TSEN15: variants seen among roughly 807,000 people sequenced by gnomAD.
TSEN15 encodes the protein tRNA splicing endonuclease subunit 15, also known as tRNA-splicing endonuclease subunit Sen15.
In TSEN15, 10 loss-of-function variants were observed where a neutral mutation model predicts 20.5. The observed-to-expected ratio is 0.49, with a 90% CI of 0.30 to 0.83. The LOEUF is 0.83. Ranked by LOEUF, TSEN15 falls within the 40% of genes least tolerant of loss-of-function variation. The pLI, the probability that TSEN15 is intolerant of heterozygous loss-of-function variation, is 0.06. For synonymous variants in TSEN15, 72 were observed against 80.1 expected (o/e 0.90, Z 0.54); for missense variants, 180 against 218.6 (o/e 0.82, Z 1.11).
chr1:184,051,893 C>G lies in TSEN15; in HGVS notation c.135+3C>G. ...CCTGGATGGGCACTCACCCTAAGGT[C>G]AGGAGGCGCGAGAGGAGCAGGGCGC... On this transcript the variant is annotated splice_donor_region_variant and intron_variant, in intron 1 of 4. Coordinates refer to ENST00000645668, the MANE Select transcript of TSEN15 (RefSeq NM_052965.4). 1 of 1,540,750 alleles carries G rather than the reference C, an allele frequency of 6.5e-7. No individual in the cohort carries two copies. The highest frequency in any genetic ancestry group is 1.7e-4 in the Middle Eastern group (1 of 5,930).
intron 3 of TSEN15, among the ~76,000 whole-genome samples, chr1:184,066,835 G>C (rs532257408): frequency 6.6e-6 from 1 of 152,068 alleles, no homozygotes; most frequent in Non-Finnish European, 1.5e-5. Flanking sequence ...ACAAAACAAC[G>C]TGCTGGGATT....
chr1:184,086,124 C>T (rs985771422), intron 3 of TSEN15, among the ~76,000 whole-genome samples: 1 of 152,098 alleles, frequency 6.6e-6, no homozygotes, highest in Non-Finnish European at 1.5e-5. Flanking sequence ...GTATTTATCA[C>T]TTTTATATTC....
chr1:184,066,419 T>A (rs2102888931), intron 3 of TSEN15, among the ~76,000 whole-genome samples: 1 of 152,232 alleles, frequency 6.6e-6, no homozygotes, highest in African/African-American at 2.4e-5. Flanking sequence ...TGTGATTTTT[T>A]TGAGACAGGG....
rs189005187 is a variant in TSEN15 at position 184,070,247 on chromosome 1, A to C, written c.354-1910A>C. Among the ~76,000 whole-genome samples the C allele has an allele frequency of 1.9e-3, 290 of 152,074 alleles. 1 individual carries two copies. Among genetic ancestry groups the C allele is most frequent in the Non-Finnish European group, 2.7e-3 (183 of 67,868 alleles). ...TTTCCTTAGTGAACACCACCCCCCA[A>C]CACACACATACAAACACACCTTCTG... On this transcript the variant is annotated intron_variant, in intron 3 of 4. Transcript: ENST00000645668.
intron 4 of TSEN15, 73 bp downstream of exon 4, chr1:184,072,371 AAGTC>A (rs1650918068): frequency 7.1e-7 from 1 of 1,416,154 alleles, no homozygotes; most frequent in Non-Finnish European, 9.5e-7. Context: ...AGTGTGACTC[AAGTC>A]AGTCACAGAA....
Position 184,051,838 on chromosome 1 carries a change from G to A in TSEN15, c.83G>A (p.Gly28Asp). The A allele has an allele frequency of 6.5e-7, 1 of 1,549,766 alleles. No individual in the cohort carries two copies. The highest frequency in any genetic ancestry group is 8.7e-7 in the Non-Finnish European group (1 of 1,147,508). The change falls in exon 1 of 5, where the codon GGT (glycine) becomes GAT (aspartate). Residue 28 changes from glycine to aspartate, a missense_variant. This residue lies in a region of TSEN15 where 76 missense variants were observed against 66.5 expected (regional missense o/e 1.14). Coordinates refer to ENST00000645668, the MANE Select transcript of TSEN15 (RefSeq NM_052965.4). Reference sequence around the variant, plus strand: ...GGTGTTCGCGGCTTTGGCGACGGCGGTGGAGCTCCTTCGTGGGCCCCTGAG... The same window carrying A: ...GGTGTTCGCGGCTTTGGCGACGGCGATGGAGCTCCTTCGTGGGCCCCTGAG... ...PGGVRGFGDGGGAPSWAPEDA... is the reference protein window; with the variant it reads ...PGGVRGFGDGDGAPSWAPEDA...
chr1:184,084,736 T>G (rs1351675884), intron 3 of TSEN15, among the ~76,000 whole-genome samples: 1 of 151,924 alleles, frequency 6.6e-6, no homozygotes, highest in African/African-American at 2.4e-5. Flanking sequence ...AGGAGTCAAA[T>G]TAGCCCTTTA....
chr1:184,054,871 G>A lies in TSEN15; in HGVS notation c.353+8G>A. The A allele has an allele frequency of 6.2e-7, 1 of 1,606,624 alleles. No homozygotes were observed. The highest frequency in any genetic ancestry group is 8.5e-7 in the Non-Finnish European group (1 of 1,176,644). On this transcript the variant is annotated splice_region_variant and intron_variant, in intron 3 of 4. Transcript: ENST00000645668. ...TTCCCTCAGCCATAACAGGTGAGCAGGTGATTTTGGTCTAAGTTCCTTTCC... is the reference window on the plus strand; with the variant it reads ...TTCCCTCAGCCATAACAGGTGAGCAAGTGATTTTGGTCTAAGTTCCTTTCC...
intron 3 of TSEN15, among the ~76,000 whole-genome samples, chr1:184,067,986 A>G (rs1350901374): frequency 6.9e-6 from 1 of 144,384 alleles, no homozygotes; most frequent in Admixed American, 7.0e-5. Context: ...ATATGTATGT[A>G]TCTGCAAAAT....
At chr1:184,078,195 C>G (rs1651100766), downstream of TSEN15, among the ~76,000 whole-genome samples, 1 of 152,112 alleles carries the variant, frequency 6.6e-6, no homozygotes, top group African/African-American at 2.4e-5. Flanking sequence ...GCAAGACTCT[C>G]CACCAGCAAA....
At chr1:184,070,004 C>G (rs1650825757) in intron 3 of TSEN15, among the ~76,000 whole-genome samples, 1 of 152,016 alleles carries the variant, frequency 6.6e-6, no homozygotes, top group Admixed American at 6.6e-5. Context: ...ACAGTGATTT[C>G]TCTCAACTCT....
At chr1:184,090,693 A>G (rs1248845300) in intron 3 of TSEN15, among the ~76,000 whole-genome samples, 1 of 152,094 alleles carries the variant, frequency 6.6e-6, no homozygotes, top group Non-Finnish European at 1.5e-5. Context: ...AAGCATTTTC[A>G]TCTATTTGGA....
chr1:184,062,948 C>T (rs1650519283), intron 3 of TSEN15, among the ~76,000 whole-genome samples: 1 of 152,080 alleles, frequency 6.6e-6, no homozygotes, highest in Non-Finnish European at 1.5e-5. Context: ...AGTTAAGATA[C>T]AGCTTTCTGA....
At position 184,059,022 on chromosome 1, in the gene TSEN15, T is replaced by G. The variant is rs140671250; in HGVS notation, c.353+4159T>G. On this transcript the variant is annotated intron_variant, in intron 3 of 4. Coordinates refer to ENST00000645668, the MANE Select transcript of TSEN15 (RefSeq NM_052965.4). ...TAGTATTCTAGCACTGAATATTCGC[T>G]TAGAAAATACTTTTTTTTTTTTTTT... Among the ~76,000 whole-genome samples the G allele has an allele frequency of 3.0e-3, 459 of 150,948 alleles. 2 individuals carry two copies. The highest frequency in any genetic ancestry group is 7.2e-3 in the African/African-American group (296 of 41,190).
exon 4 of TSEN15, chr1:184,097,184 G>A (rs375792578): frequency 2.6e-5 from 4 of 152,112 alleles, no homozygotes; most frequent in African/African-American, 7.2e-5. Flanking sequence ...TTATAAAGAG[G>A]GGGAACAATA....
At chr1:184,072,370 CAA>C in intron 4 of TSEN15, 72 bp downstream of exon 4, 1 of 1,392,386 alleles carries the variant, frequency 7.2e-7, no homozygotes, top group Non-Finnish European at 9.7e-7. Context: ...AAGTGTGACT[CAA>C]GTCAGTCACA....
intron 3 of TSEN15, among the ~76,000 whole-genome samples, chr1:184,089,485 G>T (rs1165942449): frequency 3.3e-5 from 5 of 152,042 alleles, no homozygotes; most frequent in African/African-American, 7.3e-5. Context: ...ATGGAAAATG[G>T]CATATTCCCC....
At chr1:184,058,279 G>C (rs1289107031) in intron 3 of TSEN15, 8 of 353,710 alleles carry the variant, frequency 2.3e-5, no homozygotes, top group Non-Finnish European at 2.7e-5. Context: ...ATAACTGAGA[G>C]AGCTTAAATC....
At chr1:184,072,689 G>A (rs1650930432) in intron 4 of TSEN15, 138 bp from the exon 5 acceptor site, 1 of 728,644 alleles carries the variant, frequency 1.4e-6, no homozygotes. Flanking sequence ...ATTTTAATAA[G>A]ATAAATGTGC....
Sources: gnomAD v4.1 joint callset for allele counts (sites outside exome capture counted in the v4.1 genomes callset) on GRCh38, gnomAD v4.1.1 for gene constraint, gnomAD v4.1.1 regional missense constraint, MANE v1.5 for transcripts, NCBI Gene and HGNC (gene_info 2026-07-23, HGNC 2026-07-21) for gene names.